Variants in ITPR2 observed in about 807,000 individuals in gnomAD.
ITPR2 encodes inositol 1,4,5-trisphosphate receptor type 2, also known as inositol 1,4,5-trisphosphate-gated calcium channel ITPR2.
A neutral mutation model predicts 317.1 loss-of-function variants in ITPR2; 207 were observed. The ratio of observed to expected loss-of-function variants is 0.65; its 90% CI spans 0.58 to 0.73. ITPR2 has a LOEUF of 0.73. Ranked by LOEUF, ITPR2 falls within the 30% of genes least tolerant of loss-of-function variation. The pLI is 0.00. For synonymous variants in ITPR2, 1,156 were observed against 1,149.1 expected (o/e 1.01, Z -0.12); for missense variants, 2,613 against 3,284.0 (o/e 0.80, Z 4.99).
chr12:26,814,240 A>G (rs943842073), intron 1 of ITPR2, among the ~76,000 whole-genome samples: 6 of 152,108 alleles, frequency 3.9e-5, no homozygotes, highest in South Asian at 2.1e-4. Context: ...GAATGAAGGA[A>G]CCCAGGAGAT....
chr12:26,525,723 C>T (rs1057136518), intron 37 of ITPR2, among the ~76,000 whole-genome samples: 1 of 152,170 alleles, frequency 6.6e-6, no homozygotes, highest in Non-Finnish European at 1.5e-5. Flanking sequence ...TTTTCACTTA[C>T]CCTTGTTCTC....
chr12:26,629,412 T>A (rs1411853635), intron 22 of ITPR2, among the ~76,000 whole-genome samples: 1 of 151,946 alleles, frequency 6.6e-6, no homozygotes, highest in African/African-American at 2.4e-5. Context: ...CATGGCGAAG[T>A]CCCATCTCTA....
intron 2 of ITPR2, among the ~76,000 whole-genome samples, chr12:26,781,992 G>GTATATATATA (rs1161714052): frequency 1.1e-3 from 61 of 56,946 alleles, no homozygotes; most frequent in Non-Finnish European, 1.6e-3. Flanking sequence ...AAACTCCCCT[G>GTATATATATA]TATATATATA....
At chr12:26,730,374 G>A (rs1402923497) in intron 2 of ITPR2, among the ~76,000 whole-genome samples, 1 of 152,118 alleles carries the variant, frequency 6.6e-6, no homozygotes, top group Non-Finnish European at 1.5e-5. Context: ...TTGATCTGTA[G>A]AGGTGTAATA....
intron 41 of ITPR2, among the ~76,000 whole-genome samples, chr12:26,484,448 T>C (rs2136842668): frequency 6.6e-6 from 1 of 152,220 alleles, no homozygotes; most frequent in Middle Eastern, 3.4e-3. Flanking sequence ...GCTCCACTTC[T>C]AAAAAAGTTT....
chr12:26,818,685 T>C (rs1950896495), intron 1 of ITPR2, among the ~76,000 whole-genome samples: 1 of 152,090 alleles, frequency 6.6e-6, no homozygotes, highest in Admixed American at 6.5e-5. Context: ...GGACTCTGAG[T>C]ACAACAAAAT....
At chr12:26,367,490 AC>A (rs1939048224) in intron 55 of ITPR2, among the ~76,000 whole-genome samples, 1 of 148,276 alleles carries the variant, frequency 6.7e-6, no homozygotes, top group Admixed American at 6.8e-5. Context: ...GGAAAAAAAA[AC>A]CAGAGATGCA....
At chr12:26,428,899 T>C (rs1464014351) in intron 48 of ITPR2, among the ~76,000 whole-genome samples, 2 of 152,224 alleles carry the variant, frequency 1.3e-5, no homozygotes, top group Admixed American at 6.5e-5. Flanking sequence ...CTTGGGCTGA[T>C]TGGATCAGCT....
intron 37 of ITPR2, among the ~76,000 whole-genome samples, chr12:26,506,230 C>T (rs1311360563): frequency 2.6e-5 from 4 of 151,320 alleles, no homozygotes; most frequent in Non-Finnish European, 5.9e-5. Flanking sequence ...AAAAATTAGC[C>T]TGGTGTGATA....
chr12:26,434,408 G>A (rs189415053), intron 48 of ITPR2, among the ~76,000 whole-genome samples: 50 of 152,240 alleles, frequency 3.3e-4, no homozygotes, highest in Non-Finnish European at 4.3e-4. Flanking sequence ...TATTGGCCAG[G>A]CAAGTATTAC....
At chr12:26,535,436 T>C (rs1944064193) in intron 37 of ITPR2, among the ~76,000 whole-genome samples, 1 of 152,222 alleles carries the variant, frequency 6.6e-6, no homozygotes, top group Non-Finnish European at 1.5e-5. Flanking sequence ...ATTTTCCAAT[T>C]ATCTTCCCAT....
chr12:26,591,928 T>C (rs529296531), intron 32 of ITPR2, among the ~76,000 whole-genome samples: 124 of 152,174 alleles, frequency 8.1e-4, no homozygotes, highest in Non-Finnish European at 1.4e-3. Flanking sequence ...AAATTGTACA[T>C]TGAAGAGATA....
intron 13 of ITPR2, among the ~76,000 whole-genome samples, chr12:26,676,624 AAG>A (rs879651709): frequency 2.1e-4 from 32 of 152,216 alleles, no homozygotes; most frequent in Non-Finnish European, 3.7e-4. Flanking sequence ...AGTGAGATAC[AAG>A]TAATAAAGGC....
At chr12:26,501,647 T>C (rs1345629170) in intron 37 of ITPR2, among the ~76,000 whole-genome samples, 2 of 152,188 alleles carry the variant, frequency 1.3e-5, no homozygotes, top group Middle Eastern at 3.2e-3. Flanking sequence ...ATGATTCTAG[T>C]AAAGAGCCTT....
chr12:26,806,123 G>A (rs1459140202), intron 1 of ITPR2, among the ~76,000 whole-genome samples: 1 of 152,152 alleles, frequency 6.6e-6, no homozygotes, highest in Non-Finnish European at 1.5e-5. Flanking sequence ...AGGGAGCACA[G>A]CAGGAAATTT....
chr12:26,411,473 C>T (rs934587596), intron 51 of ITPR2, 61 bp from the exon 52 acceptor site: 4 of 1,138,894 alleles, frequency 3.5e-6, no homozygotes, highest in African/African-American at 1.5e-5. Flanking sequence ...GAAAACTGAA[C>T]CTACAGTTCT....
At chr12:26,748,606 C>T (rs796919089) in intron 2 of ITPR2, among the ~76,000 whole-genome samples, 12 of 149,420 alleles carry the variant, frequency 8.0e-5, no homozygotes, top group Admixed American at 2.9e-4. Context: ...GTCTGCAGAA[C>T]ATATCCACTG....
chr12:26,586,078 T>C (rs1945518211), intron 32 of ITPR2, among the ~76,000 whole-genome samples: 1 of 152,226 alleles, frequency 6.6e-6, no homozygotes, highest in Non-Finnish European at 1.5e-5. Flanking sequence ...ACATATAAGT[T>C]CTTCATGTGA....
intron 46 of ITPR2, among the ~76,000 whole-genome samples, chr12:26,441,822 A>C (rs982952532): frequency 2.6e-5 from 4 of 152,142 alleles, no homozygotes. Context: ...TCAAACCAGT[A>C]GCCCAGAGGA....
Sources: allele counts gnomAD v4.1 joint callset (sites outside exome capture counted in the v4.1 genomes callset), GRCh38; gene constraint gnomAD v4.1.1; transcripts MANE v1.5; gene names NCBI Gene and HGNC (gene_info 2026-07-23, HGNC 2026-07-21).